The following SAMM50 variants were observed in gnomAD, a reference collection of about 807,000 sequenced individuals.
SAMM50 encodes the protein sorting and assembly machinery component 50 homolog.
A neutral mutation model predicts 66.9 loss-of-function variants in SAMM50; 47 were observed. The observed-to-expected ratio is 0.70, with a 90% CI of 0.56 to 0.90. SAMM50 has a LOEUF of 0.90. Among genes scored for constraint, SAMM50 ranks in the 40% least tolerant of loss-of-function variants. The pLI is 0.00. For missense variants in SAMM50, 535 were observed against 595.3 expected, an observed-to-expected ratio of 0.90 and a Z score of 1.05; for synonymous variants, 191 against 214.1, an observed-to-expected ratio of 0.89 and a Z score of 0.94.
rs755806166 is a variant in SAMM50 at position 43,977,856 on chromosome 22, T to A, written c.850-16T>A. On this transcript the variant is annotated splice_polypyrimidine_tract_variant and intron_variant, in intron 9 of 14. Transcript: ENST00000350028. ...GTCTGTTTGCTCCCTTTGACCTGAG[T>A]GCTCCTTCCCTGCAGGAACTGGCAG... 5.0e-6 allele frequency: 8 copies of A among 1,597,510 alleles called. No individual in the cohort carries two copies. The African/African-American group carries it at 1.1e-4, about 21-fold the overall frequency.
chr22:43,994,671 G>A (rs1056285595), intron 14 of SAMM50, among the ~76,000 whole-genome samples: 8 of 152,204 alleles, frequency 5.3e-5, no homozygotes, highest in African/African-American at 1.2e-4. Flanking sequence ...GACAGCGGCC[G>A]TGAGGGAGGG....
Position 43,972,251 on chromosome 22 carries a change from C to CA in SAMM50, c.341dup (p.Asn114LysfsTer8). On this transcript the variant is annotated frameshift_variant, in exon 5 of 15. Coordinates refer to ENST00000350028, the MANE Select transcript of SAMM50 (RefSeq NM_015380.5). LOFTEE classifies it high-confidence loss of function. ...TTTTATTTAGGTGATGACGCACTTC[C>CA]AAATGGGTTAGACGTTACCTTTGAA... 1.3e-6 allele frequency: 2 copies of CA among 1,582,170 alleles called. No individual in the cohort carries two copies. Among genetic ancestry groups the CA allele is most frequent in the South Asian group, 1.2e-5 (1 of 84,496 alleles).
chr22:43,982,975 G>T (rs1483811122), intron 11 of SAMM50, among the ~76,000 whole-genome samples: 2 of 152,186 alleles, frequency 1.3e-5, no homozygotes, highest in African/African-American at 4.8e-5. Flanking sequence ...TGCTGTTTTT[G>T]CAATTCATGT....
At chr22:43,981,511 C>A in intron 11 of SAMM50, 50 bp downstream of exon 11, 1 of 1,302,344 alleles carries the variant, frequency 7.7e-7, no homozygotes, top group Non-Finnish European at 1.1e-6. Flanking sequence ...TCCTTTGGAT[C>A]TTTTCAGTTG....
chr22:43,973,045 A>G, intron 6 of SAMM50, 44 bp downstream of exon 6: 3 of 1,570,472 alleles, frequency 1.9e-6, no homozygotes, highest in East Asian at 2.2e-5. Context: ...CCTGATAGAA[A>G]AGTTAAAATA....
chr22:43,958,772 T>C (rs1377079745), intron 1 of SAMM50, among the ~76,000 whole-genome samples: 1 of 152,162 alleles, frequency 6.6e-6, no homozygotes, highest in Non-Finnish European at 1.5e-5. Flanking sequence ...CCATTGCGCC[T>C]AGCCTGTGGA....
At position 43,990,282 on chromosome 22, in the gene SAMM50, CAT is replaced by C; in HGVS notation, c.1243_1244del (p.Ile415SerfsTer2). The stretch of plus-strand genomic sequence containing the variant: ...CTTTTCAGGGGAGGGCCCCAAAGCT[CAT>C]ATTCGTAAGCTGGCTGAGTGCATCC... Reference protein sequence around the residue: ...NLNYGEGPKAHIRKLAECIRW... With the variant: ...NLNYGEGPKAXIRKLAECIRW... On this transcript the variant is annotated frameshift_variant, in exon 14 of 15. Coordinates refer to ENST00000350028, the MANE Select transcript of SAMM50 (RefSeq NM_015380.5). LOFTEE classifies it high-confidence loss of function. 6.2e-7 allele frequency: 1 copy of C among 1,614,172 alleles called. No individual in the cohort carries two copies. The highest frequency in any genetic ancestry group is 2.2e-5 in the East Asian group (1 of 44,866).
In SAMM50 at chr22:43,981,415, G is replaced by A. The variant is rs372891737; in HGVS notation, c.961G>A (p.Gly321Arg). The A allele has an allele frequency of 3.3e-5, 53 of 1,613,634 alleles. No individual in the cohort carries two copies. Among genetic ancestry groups the A allele is most frequent in the Admixed American group, 1.0e-4 (6 of 60,002 alleles). Residue 321 changes from glycine to arginine, a missense_variant, in exon 11 of 15, where the codon GGA becomes AGA. Transcript: ENST00000350028. ...DSVFSASFWG[G>R]MLVPIGDKPS... ...GGTTTTTTCAGCGTCTTTCTGGGGC[G>A]GAATGTTGGTACCCATTGGTGATAA...
chr22:43,989,041 G>A (rs2050308683), intron 12 of SAMM50, 70 bp from the exon 13 acceptor site: 1 of 1,515,378 alleles, frequency 6.6e-7, no homozygotes, highest in Non-Finnish European at 9.0e-7. Context: ...GCTTCTGTAA[G>A]TTGTGGAAAG....
At chr22:43,964,612 TC>T in intron 3 of SAMM50, 59 bp downstream of exon 3, 1 of 937,614 alleles carries the variant, frequency 1.1e-6, no homozygotes, top group Non-Finnish European at 1.7e-6. Flanking sequence ...CTCGTAAATG[TC>T]CCCATGTGAA....
chr22:43,968,083 T>C (rs563309940), intron 3 of SAMM50, among the ~76,000 whole-genome samples: 1 of 151,668 alleles, frequency 6.6e-6, no homozygotes, highest in African/African-American at 2.4e-5. Context: ...AAAAATTCGC[T>C]TGGCGTGGTG....
chr22:43,979,922 C>G (rs1367738681), intron 10 of SAMM50, among the ~76,000 whole-genome samples: 1 of 151,544 alleles, frequency 6.6e-6, no homozygotes, highest in Non-Finnish European at 1.5e-5. Context: ...GCCTCCCACT[C>G]CCTGCCTTTA....
intron 7 of SAMM50, among the ~76,000 whole-genome samples, chr22:43,974,115 T>C (rs1353542493): frequency 6.6e-6 from 1 of 152,094 alleles, no homozygotes; most frequent in African/African-American, 2.4e-5. Context: ...TAGAATACTA[T>C]GTAAGAGTCG....
At chr22:43,996,199 G>A (rs2050353237) in intron 14 of SAMM50, 139 bp from the exon 15 acceptor site, 2 of 908,822 alleles carry the variant, frequency 2.2e-6, no homozygotes, top group African/African-American at 1.6e-5. Context: ...GTGAGGGTGA[G>A]GCCGGCAGCC....
intron 2 of SAMM50, among the ~76,000 whole-genome samples, chr22:43,963,653 T>C (rs909982436): frequency 1.3e-5 from 2 of 152,214 alleles, no homozygotes; most frequent in Non-Finnish European, 2.9e-5. Flanking sequence ...ACCAAAAATA[T>C]ATCAAGGACA....
chr22:43,955,685 C>T, intron 1 of SAMM50, 87 bp downstream of exon 1: 3 of 1,420,000 alleles, frequency 2.1e-6, no homozygotes, highest in Non-Finnish European at 2.9e-6. Context: ...CGTGGCTGCG[C>T]CCAGGGTTCA....
intron 1 of SAMM50, among the ~76,000 whole-genome samples, chr22:43,956,306 C>T (rs1238422638): frequency 6.6e-6 from 1 of 152,178 alleles, no homozygotes; most frequent in Non-Finnish European, 1.5e-5. Flanking sequence ...CTCAGATTTC[C>T]TGAGTCTCAG....
intron 11 of SAMM50, among the ~76,000 whole-genome samples, chr22:43,982,961 A>AGCTTGCT (rs1256099028): frequency 6.6e-6 from 1 of 152,230 alleles, no homozygotes; most frequent in African/African-American, 2.4e-5. Flanking sequence ...TTAAAAACGA[A>AGCTTGCT]GCTTGCTGTT....
In SAMM50 at chr22:43,989,228, A is replaced by G; in HGVS notation, c.1193A>G (p.Asn398Ser). The stretch of plus-strand genomic sequence containing the variant: ...CTTTTCCGAACACACTTCTTTCTCA[A>G]CGCAGGAAACCTCTGCAACCTCAAC... Reference protein sequence around the residue: ...GELFRTHFFLNAGNLCNLNYG... With the variant: ...GELFRTHFFLSAGNLCNLNYG... Residue 398 changes from asparagine to serine, a missense_variant, in exon 13 of 15, where the codon AAC (asparagine) becomes AGC (serine). By Grantham distance (46) the Asn-to-Ser change is conservative (BLOSUM62 1). Transcript: ENST00000350028. The G allele has an allele frequency of 6.2e-7, 1 of 1,614,160 alleles. No individual in the cohort carries two copies. The highest frequency in any genetic ancestry group is 8.5e-7 in the Non-Finnish European group (1 of 1,180,024).
Sources: gnomAD v4.1 joint callset for allele counts (sites outside exome capture counted in the v4.1 genomes callset) on GRCh38, gnomAD v4.1.1 for gene constraint, MANE v1.5 for transcripts, NCBI Gene and HGNC (gene_info 2026-07-23, HGNC 2026-07-21) for gene names.